The following POLR3B variants were observed in gnomAD, a reference collection of about 807,000 sequenced individuals.
POLR3B encodes the protein DNA-directed RNA polymerase III subunit RPC2.
In POLR3B, 96 loss-of-function variants were observed where a neutral mutation model predicts 147.4. That is an observed-to-expected ratio of 0.65 (90% confidence interval 0.55 to 0.77). The LOEUF (loss-of-function observed/expected upper bound fraction) is 0.77. Ranked by LOEUF, POLR3B falls within the 30% of genes least tolerant of loss-of-function variation. The pLI, the probability that POLR3B is intolerant of heterozygous loss-of-function variation, is 0.00. For missense variants in POLR3B, 1,036 were observed against 1,413.5 expected (o/e 0.73, Z 4.28); for synonymous variants, 461 against 485.9 (o/e 0.95, Z 0.67).
At chr12:106,440,718 T>A (rs1049805581) in intron 18 of POLR3B, among the ~76,000 whole-genome samples, 1 of 151,316 alleles carries the variant, frequency 6.6e-6, no homozygotes, top group Non-Finnish European at 1.5e-5. Context: ...TCCACTCCTC[T>A]TTACTACTTT....
intron 10 of POLR3B, among the ~76,000 whole-genome samples, chr12:106,404,093 G>T (rs991923260): frequency 5.5e-4 from 75 of 135,990 alleles, no homozygotes; most frequent in Middle Eastern, 3.9e-3. Flanking sequence ...GTTGTTTTTT[G>T]TTTTTTTTTT....
chr12:106,359,476 C>A (rs1261717293), intron 1 of POLR3B, among the ~76,000 whole-genome samples: 1 of 151,786 alleles, frequency 6.6e-6, no homozygotes, highest in African/African-American at 2.4e-5. Flanking sequence ...GGATTACAGG[C>A]GCCCACCATC....
At chr12:106,445,311 A>C (rs914612748) in intron 19 of POLR3B, among the ~76,000 whole-genome samples, 3 of 152,208 alleles carry the variant, frequency 2.0e-5, no homozygotes, top group Admixed American at 6.5e-5. Context: ...TGGTGTAATA[A>C]ATGCTGTAAT....
chr12:106,401,658 A>C (rs551527372), intron 10 of POLR3B, among the ~76,000 whole-genome samples: 3 of 152,256 alleles, frequency 2.0e-5, no homozygotes, highest in African/African-American at 7.2e-5. Context: ...CTGGTTCAAC[A>C]TACACAAATC....
chr12:106,371,793 G>A (rs1177533980), intron 6 of POLR3B, among the ~76,000 whole-genome samples: 1 of 123,106 alleles, frequency 8.1e-6, no homozygotes, highest in Non-Finnish European at 1.6e-5. Flanking sequence ...CTGTTGTGGG[G>A]TTGGGGGAGG....
At chr12:106,388,595 C>A (rs1300780514) in intron 9 of POLR3B, among the ~76,000 whole-genome samples, 2 of 152,118 alleles carry the variant, frequency 1.3e-5, no homozygotes, top group East Asian at 3.9e-4. Flanking sequence ...GGATTACAGG[C>A]GTGAGCCAAT....
chr12:106,369,317 C>G lies in POLR3B; in HGVS notation c.270C>G (p.Ser90Arg), dbSNP rs2036573223. 6.2e-7 allele frequency: 1 copy of G among 1,601,880 alleles called. No homozygotes were observed. Among genetic ancestry groups the G allele is most frequent in the South Asian group, 1.1e-5 (1 of 90,836 alleles). ...TTGGGCTTCCTGATGTTGAAGAAAG[C>G]TTCAATGTAACTAGACCAGTGTCCC... ...IYVGLPDVEE[S>R]FNVTRPVSPH... is the part of the protein sequence containing the mutation. Residue 90 changes from serine (S) to arginine (R), a missense_variant, in exon 5 of 28, where the codon AGC becomes AGG. Ser to Arg is a moderately radical substitution (Grantham distance 110). Transcript: ENST00000228347.
At chr12:106,388,664 A>G (rs2036875624) in intron 9 of POLR3B, among the ~76,000 whole-genome samples, 2 of 152,240 alleles carry the variant, frequency 1.3e-5, no homozygotes, top group South Asian at 4.1e-4. Context: ...AGAGAGGGCT[A>G]TCACAGTTCT....
intron 23 of POLR3B, among the ~76,000 whole-genome samples, chr12:106,491,670 T>C (rs1262540501): frequency 1.3e-5 from 2 of 152,226 alleles, no homozygotes; most frequent in Admixed American, 6.5e-5. Flanking sequence ...CCACATCATT[T>C]AGAGCATTAG....
intron 6 of POLR3B, among the ~76,000 whole-genome samples, chr12:106,373,466 T>C (rs2036636537): frequency 6.6e-6 from 1 of 152,096 alleles, no homozygotes; most frequent in Non-Finnish European, 1.5e-5. Context: ...TTTAATCTTT[T>C]ATATGGGCTG....
chr12:106,436,626 A>G (rs1282282929), intron 16 of POLR3B, among the ~76,000 whole-genome samples: 15 of 152,202 alleles, frequency 9.9e-5, no homozygotes, highest in Non-Finnish European at 2.1e-4. Flanking sequence ...TGTTAACTCC[A>G]TGAGTAGTAT....
chr12:106,392,951 A>G, intron 9 of POLR3B, 80 bp from the exon 10 acceptor site: 2 of 1,583,764 alleles, frequency 1.3e-6, no homozygotes, highest in South Asian at 2.3e-5. Context: ...ATACCCACAA[A>G]CAATGCCAAA....
At chr12:106,424,826 T>C (rs1269190620) in intron 12 of POLR3B, among the ~76,000 whole-genome samples, 2 of 152,182 alleles carry the variant, frequency 1.3e-5, no homozygotes, top group East Asian at 3.8e-4. Context: ...TTTGAATTTG[T>C]AGGTCAATTT....
intron 25 of POLR3B, among the ~76,000 whole-genome samples, chr12:106,497,758 C>A (rs180969337): frequency 4.9e-4 from 74 of 152,268 alleles, no homozygotes; most frequent in Admixed American, 4.3e-3. Context: ...TGGAGCTGAC[C>A]GTTTAGGTGT....
At chr12:106,378,515 C>T in intron 8 of POLR3B, 131 bp downstream of exon 8, 1 of 626,904 alleles carries the variant, frequency 1.6e-6, no homozygotes, top group East Asian at 2.6e-5. Flanking sequence ...AAGCTATCTG[C>T]ATTCAATTTA....
intron 6 of POLR3B, among the ~76,000 whole-genome samples, chr12:106,375,987 G>A (rs1005900672): frequency 2.6e-5 from 4 of 152,206 alleles, no homozygotes; most frequent in South Asian, 2.1e-4. Flanking sequence ...TGGGACTACC[G>A]GCACACACCA....
intron 12 of POLR3B, among the ~76,000 whole-genome samples, chr12:106,425,292 T>A (rs2037421219): frequency 6.6e-6 from 1 of 152,148 alleles, no homozygotes; most frequent in Admixed American, 6.5e-5. Context: ...TTCCTGCTCC[T>A]CCCCTAGGGA....
At chr12:106,470,397 A>G (rs2038073953) in intron 23 of POLR3B, among the ~76,000 whole-genome samples, 1 of 152,106 alleles carries the variant, frequency 6.6e-6, no homozygotes, top group South Asian at 2.1e-4. Flanking sequence ...GGGTTAGAAC[A>G]CACTCCTTTA....
intron 19 of POLR3B, among the ~76,000 whole-genome samples, chr12:106,449,764 A>G (rs2037773617): frequency 6.6e-6 from 1 of 152,158 alleles, no homozygotes; most frequent in South Asian, 2.1e-4. Context: ...AAGAAAATCC[A>G]TATATGAGTG....
Sources: allele counts gnomAD v4.1 joint callset (sites outside exome capture counted in the v4.1 genomes callset), GRCh38; gene constraint gnomAD v4.1.1; transcripts MANE v1.5; gene names NCBI Gene and HGNC (gene_info 2026-07-23, HGNC 2026-07-21).